The following SDCCAG8 variants were observed in gnomAD, a reference collection of about 807,000 sequenced individuals.
SDCCAG8 encodes the protein SHH signaling and ciliogenesis regulator SDCCAG8, also known as serologically defined colon cancer antigen 8.
SDCCAG8 carries 74 observed loss-of-function variants against 101.8 expected under a neutral mutation model. That is an observed-to-expected ratio of 0.73 (90% CI 0.60 to 0.88). The LOEUF is 0.88. Among genes scored for constraint, SDCCAG8 ranks in the 40% least tolerant of loss-of-function variants. The probability of loss-of-function intolerance (pLI) is 0.00; values close to 1 mark genes in which losing one functional copy is unlikely to be tolerated. For missense variants in SDCCAG8, 787 were observed against 822.6 expected (o/e 0.96, Z 0.53); for synonymous variants, 281 against 292.9 (o/e 0.96, Z 0.41).
At chr1:243,489,232 G>A in intron 17 of SDCCAG8, 92 bp downstream of exon 17, 2 of 1,496,132 alleles carry the variant, frequency 1.3e-6, no homozygotes, top group Non-Finnish European at 1.8e-6. Flanking sequence ...CTTTCTCACG[G>A]ATCACATCGG....
chr1:243,478,905 C>T (rs1369911653), intron 16 of SDCCAG8, among the ~76,000 whole-genome samples: 1 of 140,802 alleles, frequency 7.1e-6, no homozygotes, highest in African/African-American at 2.7e-5. Flanking sequence ...TTGCAGTGGG[C>T]CGAGGTTGTG....
At chr1:243,319,625 G>A (rs1464942722) in intron 9 of SDCCAG8, among the ~76,000 whole-genome samples, 3 of 151,864 alleles carry the variant, frequency 2.0e-5, no homozygotes, top group African/African-American at 7.3e-5. Context: ...CACCCATCTT[G>A]GCCTCCCAAA....
At chr1:243,475,201 C>A (rs943814312) in intron 16 of SDCCAG8, among the ~76,000 whole-genome samples, 6 of 152,298 alleles carry the variant, frequency 3.9e-5, no homozygotes, top group African/African-American at 1.4e-4. Flanking sequence ...GCAGTTCTAC[C>A]GCCGCCACTA....
intron 16 of SDCCAG8, among the ~76,000 whole-genome samples, chr1:243,431,430 T>C (rs2081756939): frequency 6.6e-6 from 1 of 152,116 alleles, no homozygotes; most frequent in Non-Finnish European, 1.5e-5. Flanking sequence ...TGCTACTTAC[T>C]GAGAACTAGG....
chr1:243,404,858 T>G (rs1008375492), intron 13 of SDCCAG8, among the ~76,000 whole-genome samples: 2 of 149,362 alleles, frequency 1.3e-5, no homozygotes, highest in Non-Finnish European at 3.0e-5. Flanking sequence ...AACTTAGACT[T>G]CTTCTTTTTT....
intron 12 of SDCCAG8, among the ~76,000 whole-genome samples, chr1:243,378,407 A>T (rs2077729046): frequency 6.6e-6 from 1 of 152,058 alleles, no homozygotes; most frequent in Non-Finnish European, 1.5e-5. Context: ...TTTTAAAGGC[A>T]GTGGTATTTT....
chr1:243,465,927 G>A (rs1660043306), intron 16 of SDCCAG8, among the ~76,000 whole-genome samples: 1 of 152,112 alleles, frequency 6.6e-6, no homozygotes, highest in Non-Finnish European at 1.5e-5. Context: ...CATGACCTCA[G>A]GGCTTTCTGA....
intron 7 of SDCCAG8, chr1:243,307,544 A>AT: frequency 1.0e-6 from 1 of 983,866 alleles, no homozygotes; most frequent in Non-Finnish European, 1.2e-6. Context: ...CACTCTAAAA[A>AT]TTTTAAGAGA....
At chr1:243,398,978 A>G (rs1455881979) in intron 13 of SDCCAG8, among the ~76,000 whole-genome samples, 2 of 152,350 alleles carry the variant, frequency 1.3e-5, no homozygotes, top group African/African-American at 2.4e-5. Flanking sequence ...TAAATTTTCA[A>G]AATAAAGAGC....
At position 243,489,159 on chromosome 1, in the gene SDCCAG8, C is replaced by G. The variant is rs1470993701; in HGVS notation, c.2112+19C>G. On this transcript the variant is annotated intron_variant, in intron 17 of 17. Transcript: ENST00000366541. ...GACCCAGGTACTGTGCAGAACGCGG[C>G]GCAGGTGGGAGTCCTTGGGCGGGCG... 1 of 1,610,430 alleles carries G rather than the reference C, an allele frequency of 6.2e-7. No homozygotes were observed. The highest frequency in any genetic ancestry group is 8.5e-7 in the Non-Finnish European group (1 of 1,179,172).
chr1:243,327,926 G>T (rs1261812708), intron 9 of SDCCAG8, among the ~76,000 whole-genome samples: 2 of 152,144 alleles, frequency 1.3e-5, no homozygotes. Flanking sequence ...TTTTTGAGAT[G>T]GAGTCTCGCT....
chr1:243,436,176 T>C (rs1405818294), intron 16 of SDCCAG8, among the ~76,000 whole-genome samples: 2 of 151,870 alleles, frequency 1.3e-5, no homozygotes, highest in Non-Finnish European at 2.9e-5. Context: ...ACTTTTTTTT[T>C]TTTTTTTTGA....
chr1:243,450,850 G>C (rs1444314720), intron 16 of SDCCAG8, among the ~76,000 whole-genome samples: 2 of 152,114 alleles, frequency 1.3e-5, no homozygotes, highest in Non-Finnish European at 2.9e-5. Context: ...GTAGAGACGG[G>C]GTTTCACCAT....
intron 12 of SDCCAG8, among the ~76,000 whole-genome samples, chr1:243,361,713 A>G (rs1410551748): frequency 1.3e-5 from 2 of 152,190 alleles, no homozygotes; most frequent in East Asian, 1.9e-4. Flanking sequence ...CCTTTGCTTA[A>G]CCAGCTCTTT....
At chr1:243,423,064 G>C (rs963382058) in intron 15 of SDCCAG8, among the ~76,000 whole-genome samples, 11 of 152,058 alleles carry the variant, frequency 7.2e-5, no homozygotes, top group African/African-American at 2.7e-4. Context: ...GACAGAAAAA[G>C]GATGATGTGC....
chr1:243,420,489 A>G (rs1573943364), intron 15 of SDCCAG8, among the ~76,000 whole-genome samples: 1 of 152,198 alleles, frequency 6.6e-6, no homozygotes, highest in African/African-American at 2.4e-5. Flanking sequence ...ACATAAGTCT[A>G]TGCCACAATG....
chr1:243,358,914 C>A (rs950133325), intron 12 of SDCCAG8, among the ~76,000 whole-genome samples: 2 of 152,150 alleles, frequency 1.3e-5, no homozygotes, highest in Non-Finnish European at 2.9e-5. Context: ...ATGGGCAAAT[C>A]TATAGAGACA....
intron 16 of SDCCAG8, among the ~76,000 whole-genome samples, chr1:243,476,600 T>G (rs1286573744): frequency 6.6e-6 from 1 of 152,192 alleles, no homozygotes; most frequent in Non-Finnish European, 1.5e-5. Context: ...CACAGCAGTG[T>G]GCCCCCCAAA....
Position 243,286,402 on chromosome 1 carries a change from G to A in SDCCAG8, c.546+5G>A. On this transcript the variant is annotated splice_donor_5th_base_variant and intron_variant, in intron 5 of 17. Transcript: ENST00000366541. ...CAAACACTTCTGGATGCATCCGTGAGCATTATTTTAAATCATAAATTTTAT... is the reference window on the plus strand; with the variant it reads ...CAAACACTTCTGGATGCATCCGTGAACATTATTTTAAATCATAAATTTTAT... 1.2e-6 allele frequency: 2 copies of A among 1,613,886 alleles called. No individual in the cohort carries two copies. Among genetic ancestry groups the A allele is most frequent in the Non-Finnish European group, 8.5e-7 (1 of 1,179,762 alleles).
Sources: gnomAD v4.1 joint callset for allele counts (sites outside exome capture counted in the v4.1 genomes callset) on GRCh38, gnomAD v4.1.1 for gene constraint, MANE v1.5 for transcripts, NCBI Gene and HGNC (gene_info 2026-07-23, HGNC 2026-07-21) for gene names.